Variants in PRELID2 observed in about 807,000 individuals in gnomAD.
PRELID2 encodes the protein PRELI domain-containing protein 2.
In PRELID2, 25 loss-of-function variants were observed where a neutral mutation model predicts 28.4. That is an observed-to-expected ratio of 0.88 (90% CI 0.64 to 1.23). PRELID2 has a LOEUF of 1.23. PRELID2 is among the 50% of genes most tolerant of loss of function. The pLI is 0.00. For synonymous variants in PRELID2, 76 were observed against 71.6 expected, an observed-to-expected ratio of 1.06 and a Z score of -0.31; for missense variants, 201 against 214.4, an observed-to-expected ratio of 0.94 and a Z score of 0.39.
At chr5:145,795,654 A>C (rs1339164006) in intron 5 of PRELID2, 1 of 152,170 alleles carries the variant, frequency 6.6e-6, no homozygotes, top group Non-Finnish European at 1.5e-5. Context: ...CTGGAAATAA[A>C]TGAGTATAAT....
At chr5:145,587,336 T>C (rs984944610) in intron 1 of PRELID2, among the ~76,000 whole-genome samples, 5 of 152,264 alleles carry the variant, frequency 3.3e-5, no homozygotes, top group Non-Finnish European at 7.4e-5. Context: ...TTATCCTTTG[T>C]GGCAAAGCAG....
the PRELID2 span, among the ~76,000 whole-genome samples, chr5:145,436,680 T>C: frequency 6.6e-6 from 1 of 152,186 alleles, no homozygotes; most frequent in Non-Finnish European, 1.5e-5. Context: ...ATGCTGAGCA[T>C]TTTTTCATAT....
intron 1 of PRELID2, among the ~76,000 whole-genome samples, chr5:145,497,899 A>G (rs577543262): frequency 1.3e-5 from 2 of 152,356 alleles, no homozygotes; most frequent in East Asian, 3.9e-4. Context: ...CTTTCCCACA[A>G]GGCATCTGTG....
At chr5:145,614,981 C>A (rs1283398848) in intron 1 of PRELID2, among the ~76,000 whole-genome samples, 1 of 152,094 alleles carries the variant, frequency 6.6e-6, no homozygotes, top group Non-Finnish European at 1.5e-5. Flanking sequence ...TCTTGATGAC[C>A]TGTCTAGTGC....
chr5:145,395,094 T>C, the PRELID2 span, among the ~76,000 whole-genome samples: 47,299 of 151,870 alleles, frequency 0.31, 7,444 homozygotes, highest in South Asian at 0.51. Flanking sequence ...ACACTTACTA[T>C]ATGCCAAGTG....
chr5:145,233,650 G>A, the PRELID2 span, among the ~76,000 whole-genome samples: 1 of 152,058 alleles, frequency 6.6e-6, no homozygotes, highest in Non-Finnish European at 1.5e-5. Flanking sequence ...GCATCTCTCA[G>A]GACAGTTATG....
the PRELID2 span, among the ~76,000 whole-genome samples, chr5:145,289,621 A>G: frequency 6.6e-6 from 1 of 152,228 alleles, no homozygotes; most frequent in Non-Finnish European, 1.5e-5. Flanking sequence ...ACCTAGGAGC[A>G]CTATTCCTAG....
the PRELID2 span, among the ~76,000 whole-genome samples, chr5:145,302,678 T>C: frequency 3.9e-5 from 6 of 151,966 alleles, no homozygotes; most frequent in African/African-American, 1.4e-4. Context: ...AAAAATTAAA[T>C]GTGATTAGTA....
the PRELID2 span, among the ~76,000 whole-genome samples, chr5:145,384,369 A>G: frequency 1.3e-5 from 2 of 152,236 alleles, no homozygotes; most frequent in Non-Finnish European, 2.9e-5. Flanking sequence ...GTTCATCAAC[A>G]GGAGAATGGA....
chr5:145,244,786 A>G, the PRELID2 span, among the ~76,000 whole-genome samples: 2 of 152,130 alleles, frequency 1.3e-5, no homozygotes, highest in African/African-American at 2.4e-5. Flanking sequence ...CTGAAGTCCA[A>G]TTCAGATCAG....
intron 5 of PRELID2, among the ~76,000 whole-genome samples, chr5:145,771,461 G>A (rs897321801): frequency 3.9e-5 from 6 of 151,984 alleles, no homozygotes; most frequent in Non-Finnish European, 7.4e-5. Context: ...ACTTGCAGAA[G>A]CCACTTGAAG....
At chr5:145,696,698 A>C (rs1006672897) in intron 1 of PRELID2, among the ~76,000 whole-genome samples, 1 of 151,944 alleles carries the variant, frequency 6.6e-6, no homozygotes, top group African/African-American at 2.4e-5. Flanking sequence ...TCTTGAGCTC[A>C]AGTGATCTGC....
At chr5:145,604,882 C>CATATACATATATATATAT (rs1554078629) in intron 1 of PRELID2, among the ~76,000 whole-genome samples, 4 of 116,168 alleles carry the variant, frequency 3.4e-5, no homozygotes, top group African/African-American at 1.5e-4. Flanking sequence ...GCTTGTTGGC[C>CATATACATATATATATAT]ATATATATAT....
intron 1 of PRELID2, among the ~76,000 whole-genome samples, chr5:145,620,681 G>A (rs538304127): frequency 3.2e-4 from 49 of 152,178 alleles, no homozygotes; most frequent in Admixed American, 2.5e-3. Flanking sequence ...GAACAACCTC[G>A]GTAACATGGC....
intron 1 of PRELID2, among the ~76,000 whole-genome samples, chr5:145,615,331 T>C (rs1394188887): frequency 3.2e-4 from 36 of 112,560 alleles, no homozygotes; most frequent in African/African-American, 1.3e-3. Context: ...TTTTTTGTTT[T>C]TTTTTTTTTT....
At chr5:145,407,417 G>A in the PRELID2 span, among the ~76,000 whole-genome samples, 2 of 152,208 alleles carry the variant, frequency 1.3e-5, no homozygotes, top group East Asian at 1.9e-4. Flanking sequence ...CCATTGACAT[G>A]AGAACCACCC....
the PRELID2 span, among the ~76,000 whole-genome samples, chr5:145,396,336 T>C: frequency 1.3e-5 from 2 of 152,098 alleles, no homozygotes; most frequent in Non-Finnish European, 2.9e-5. Flanking sequence ...TCCTTGGCAA[T>C]ATTTTGATGT....
chr5:145,519,997 C>T (rs1401979041), intron 1 of PRELID2, among the ~76,000 whole-genome samples: 2 of 152,166 alleles, frequency 1.3e-5, no homozygotes, highest in Non-Finnish European at 2.9e-5. Context: ...TTAGAAATAA[C>T]TTGGCTCTCA....
At position 145,488,950 on chromosome 5, in the gene PRELID2, A is replaced by C. The variant is rs544585790; in HGVS notation, n.71-15635T>G. ...ACAGTCCTGATTTCCTTTTGGTAAC[A>C]ACATTGTTAAAAGAGGTAGCATGTG... On this transcript the variant is annotated intron_variant and non_coding_transcript_variant, in intron 1 of 2. Coordinates refer to the PRELID2 transcript ENST00000510259. 1.6e-3 allele frequency among the ~76,000 whole-genome samples: 238 copies of C among 152,282 alleles called. 1 individual carries two copies. Among genetic ancestry groups the C allele is most frequent in the African/African-American group, 5.5e-3 (228 of 41,558 alleles).
Sources: gnomAD v4.1 joint callset for allele counts (sites outside exome capture counted in the v4.1 genomes callset) on GRCh38, gnomAD v4.1.1 for gene constraint, MANE v1.5 for transcripts, NCBI Gene and HGNC (gene_info 2026-07-23, HGNC 2026-07-21) for gene names.